The following ANKRD28 variants were observed in gnomAD, a reference collection of about 807,000 sequenced individuals.
ANKRD28 encodes ankyrin repeat domain 28, also known as serine/threonine-protein phosphatase 6 regulatory ankyrin repeat subunit A.
ANKRD28 carries 44 observed loss-of-function variants against 126.5 expected under a neutral mutation model. That is an observed-to-expected ratio of 0.35 (90% CI 0.27 to 0.45). The LOEUF (loss-of-function observed/expected upper bound fraction) is 0.45, where lower values mean the gene tolerates loss of function less well. Among genes scored for constraint, ANKRD28 ranks in the 20% least tolerant of loss-of-function variants. The probability of loss-of-function intolerance (pLI) is 1.00; values close to 1 mark genes in which losing one functional copy is unlikely to be tolerated. For synonymous variants in ANKRD28, 442 were observed against 468.5 expected, an observed-to-expected ratio of 0.94 and a Z score of 0.73; for missense variants, 1,110 against 1,316.6, an observed-to-expected ratio of 0.84 and a Z score of 2.43.
In ANKRD28 at chr3:15,817,396, C is replaced by T. The variant is rs1575762304; in HGVS notation, c.28-22090G>A. Reference sequence around the variant, plus strand: ...CACAACATTAAGTTCCTAGAGCTACCGGTAGGCACCATTTCTTATTGCTCT... The same window carrying T: ...CACAACATTAAGTTCCTAGAGCTACTGGTAGGCACCATTTCTTATTGCTCT... On this transcript the variant is annotated intron_variant, in intron 1 of 27. Coordinates refer to the ANKRD28 transcript ENST00000399451. This position sits in a 1 kb window ranked among gnomAD's most constrained non-coding sequence, Gnocchi z 4.5. Among the ~76,000 whole-genome samples the T allele has an allele frequency of 1.3e-5, 2 of 152,142 alleles. No homozygotes were observed. Among genetic ancestry groups the T allele is most frequent in the East Asian group, 1.9e-4 (1 of 5,184 alleles).
Position 15,685,438 on chromosome 3 carries a change from G to C in ANKRD28, c.2177C>G (p.Thr726Arg), listed in dbSNP as rs2067998181. The stretch of plus-strand genomic sequence containing the variant: ...TGCATCTACACATTCTTCATGGCCT[G>C]TAACTGCCTGAAAGAAAATAATTTA... ...GRTALHRGAV[T>R]GHEECVDALL... The change falls in exon 21 of 28, where the codon ACA becomes AGA. Residue 726 changes from threonine (T) to arginine (R), a missense_variant. By Grantham distance (71) the Thr-to-Arg change is moderately conservative (BLOSUM62 -1). Coordinates refer to ENST00000683139, the MANE Select transcript of ANKRD28 (RefSeq NM_001349278.2). 6.2e-7 allele frequency: 1 copy of C among 1,613,884 alleles called. No homozygotes were observed. The highest frequency in any genetic ancestry group is 8.5e-7 in the Non-Finnish European group (1 of 1,179,794).
chr3:15,751,504 T>G lies in ANKRD28; in HGVS notation c.351+246A>C, dbSNP rs57584471. 5.1e-3 allele frequency among the ~76,000 whole-genome samples: 776 copies of G among 152,280 alleles called. 7 individuals are homozygous for G. The highest frequency in any genetic ancestry group is 0.018 in the African/African-American group (743 of 41,570). Reference sequence around the variant, plus strand: ...GAATATATAGGACAGAAAAATGATTTCTCTTGTAGAAGGGACAGAGATAGG... The same window carrying G: ...GAATATATAGGACAGAAAAATGATTGCTCTTGTAGAAGGGACAGAGATAGG... On this transcript the variant is annotated intron_variant, in intron 4 of 27. Transcript: ENST00000683139.
chr3:15,763,051 T>G (rs73038253), intron 3 of ANKRD28, among the ~76,000 whole-genome samples: 14,074 of 152,282 alleles, frequency 0.092, 883 homozygotes, highest in East Asian at 0.35. Context: ...TTCTTTATTT[T>G]TTTTGTTTAT....
chr3:15,851,279 T>C (rs1020450721), intron 1 of ANKRD28, among the ~76,000 whole-genome samples: 1 of 151,932 alleles, frequency 6.6e-6, no homozygotes, highest in African/African-American at 2.4e-5. Flanking sequence ...ACACCTGTAA[T>C]CTTAGCACTT....
chr3:15,730,072 G>C (rs2074468786), intron 6 of ANKRD28, among the ~76,000 whole-genome samples: 1 of 151,988 alleles, frequency 6.6e-6, no homozygotes, highest in African/African-American at 2.4e-5. Flanking sequence ...GCCCAGGCTG[G>C]TCTTCAACTC....
intron 16 of ANKRD28, 113 bp downstream of exon 16, chr3:15,695,075 G>T: frequency 1.1e-6 from 1 of 885,856 alleles, no homozygotes; most frequent in Non-Finnish European, 1.8e-6. Context: ...CACCGTCTTT[G>T]TGCCTAATAT....
intron 2 of ANKRD28, among the ~76,000 whole-genome samples, chr3:15,771,820 A>G (rs1269891440): frequency 6.6e-6 from 1 of 152,246 alleles, no homozygotes; most frequent in African/African-American, 2.4e-5. Flanking sequence ...ACACATTAAA[A>G]TAAAGCAAAA....
intron 4 of ANKRD28, chr3:15,738,885 T>G (rs539986798): frequency 3.3e-4 from 50 of 152,248 alleles, no homozygotes; most frequent in Admixed American, 3.2e-3. Flanking sequence ...AAGACAGACG[T>G]TCCCAGAGCA....
At chr3:15,807,963 T>C (rs1428236430) in intron 1 of ANKRD28, among the ~76,000 whole-genome samples, 7 of 152,258 alleles carry the variant, frequency 4.6e-5, no homozygotes, top group East Asian at 1.9e-4. Flanking sequence ...ATAGCTACTA[T>C]GGTTGTAGGC....
chr3:15,724,528 A>T lies in ANKRD28; in HGVS notation c.641-4T>A. 6.4e-7 allele frequency: 1 copy of T among 1,564,626 alleles called. No homozygotes were observed. Among genetic ancestry groups the T allele is most frequent in the Non-Finnish European group, 8.7e-7 (1 of 1,154,348 alleles). Reference sequence around the variant, plus strand: ...AATTTCACTACTTCAATGTGACCTAAAAATGTGTTTTTGAAGAAAAAAATA... The same window carrying T: ...AATTTCACTACTTCAATGTGACCTATAAATGTGTTTTTGAAGAAAAAAATA... On this transcript the variant is annotated splice_region_variant and splice_polypyrimidine_tract_variant and intron_variant, in intron 6 of 27. Transcript: ENST00000683139.
intron 6 of ANKRD28, chr3:15,732,538 G>A (rs1269760015): frequency 1.3e-5 from 2 of 152,240 alleles, no homozygotes; most frequent in Non-Finnish European, 2.9e-5. Flanking sequence ...TGTGAGGTAT[G>A]GGGGAGAACA....
intron 21 of ANKRD28, 28 bp downstream of exon 21, chr3:15,685,198 G>A (rs2067972199): frequency 1.9e-6 from 3 of 1,585,806 alleles, no homozygotes; most frequent in Non-Finnish European, 2.6e-6. Context: ...ACTACACAAT[G>A]ATATGCATTT....
At chr3:15,855,789 G>A (rs1017026069) in intron 1 of ANKRD28, among the ~76,000 whole-genome samples, 18 of 152,170 alleles carry the variant, frequency 1.2e-4, no homozygotes, top group Admixed American at 1.0e-3. Flanking sequence ...GAAATGAAAG[G>A]TACAGCTAAT....
intron 18 of ANKRD28, among the ~76,000 whole-genome samples, chr3:15,689,308 C>G (rs1306553281): frequency 6.6e-6 from 1 of 152,200 alleles, no homozygotes; most frequent in Non-Finnish European, 1.5e-5. Flanking sequence ...CCTACCTAAG[C>G]TTTGACGGTA....
At chr3:15,672,437 C>A (rs2066474170) in intron 27 of ANKRD28, among the ~76,000 whole-genome samples, 1 of 152,258 alleles carries the variant, frequency 6.6e-6, no homozygotes, top group East Asian at 1.9e-4. Context: ...CCACTGTGCC[C>A]AGCCACAAAA....
At chr3:15,685,876 T>G (rs1403019194) in intron 20 of ANKRD28, 126 bp downstream of exon 20, 27 of 732,188 alleles carry the variant, frequency 3.7e-5, no homozygotes, top group Non-Finnish European at 5.2e-5. Flanking sequence ...ACTAAGATAC[T>G]GAAAGAAATG....
chr3:15,668,999 C>T lies in ANKRD28; in HGVS notation c.*1271G>A, dbSNP rs930359841. On this transcript the variant is annotated 3_prime_UTR_variant, in exon 28 of 28. Coordinates refer to ENST00000683139, the MANE Select transcript of ANKRD28 (RefSeq NM_001349278.2). ...ACCACACAAATCTTTATTTAAAAGC[C>T]GAAATATCAGCCTTCTCTCTCTCTT... 5.2e-5 allele frequency: 8 copies of T among 152,496 alleles called. No homozygotes were observed. Among genetic ancestry groups the T allele is most frequent in the South Asian group, 2.1e-4 (1 of 4,824 alleles). The allele number at this position is 152,496 out of a possible 1,614,324, so 9.4% of individuals were successfully genotyped here.
At chr3:15,844,340 G>A (rs112618649) in intron 1 of ANKRD28, among the ~76,000 whole-genome samples, 197 of 152,158 alleles carry the variant, frequency 1.3e-3, no homozygotes, top group Non-Finnish European at 1.5e-3. Flanking sequence ...AGTTTGTGGC[G>A]AAAGGGAACC....
In ANKRD28 at chr3:15,854,790, C is replaced by A. The variant is rs749770751; in HGVS notation, c.27+4587G>T. On this transcript the variant is annotated intron_variant, in intron 1 of 27. Coordinates refer to the ANKRD28 transcript ENST00000399451. This position sits in a 1 kb window ranked among gnomAD's most constrained non-coding sequence, Gnocchi z 4.1. ...GACACGCCAGGCATGGTGGCTCACG[C>A]CTGTAATCCCAGCACTTTGGGAGGC... 6.6e-6 allele frequency among the ~76,000 whole-genome samples: 1 copy of A among 152,122 alleles called. No individual in the cohort carries two copies. The highest frequency in any genetic ancestry group is 1.5e-5 in the Non-Finnish European group (1 of 68,006).
Sources: gnomAD v4.1 joint callset for allele counts (sites outside exome capture counted in the v4.1 genomes callset) on GRCh38, gnomAD v4.1.1 for gene constraint, Gnocchi (gnomAD v3.1) non-coding constraint, MANE v1.5 for transcripts, NCBI Gene and HGNC (gene_info 2026-07-23, HGNC 2026-07-21) for gene names.